Variants in PRORP observed in about 807,000 individuals in gnomAD.
PRORP encodes mitochondrial ribonuclease P catalytic subunit.
PRORP carries 51 observed loss-of-function variants against 59.4 expected under a neutral mutation model. The ratio of observed to expected loss-of-function variants is 0.86; its 90% CI spans 0.69 to 1.08. The LOEUF (loss-of-function observed/expected upper bound fraction) is 1.08, where lower values mean the gene tolerates loss of function less well. Among genes scored for constraint, PRORP ranks in the 50% least tolerant of loss-of-function variants. PRORP has a pLI of 0.00. For synonymous variants in PRORP, 231 were observed against 245.6 expected (o/e 0.94, Z 0.55); for missense variants, 646 against 690.3 (o/e 0.94, Z 0.72).
intron 4 of PRORP, among the ~76,000 whole-genome samples, chr14:35,177,785 A>C (rs1276970116): frequency 6.6e-6 from 1 of 152,018 alleles, no homozygotes; most frequent in Non-Finnish European, 1.5e-5. Context: ...GCCTTCTGCT[A>C]GCTTTTGAAT....
At chr14:35,193,077 C>G (rs1004696705) in intron 5 of PRORP, among the ~76,000 whole-genome samples, 8 of 151,810 alleles carry the variant, frequency 5.3e-5, no homozygotes, top group Non-Finnish European at 1.0e-4. Flanking sequence ...ACCCATAATT[C>G]AGTCCTAATG....
intron 4 of PRORP, among the ~76,000 whole-genome samples, chr14:35,169,706 G>A (rs2048268890): frequency 6.6e-6 from 1 of 152,118 alleles, no homozygotes. Flanking sequence ...AACACCTGGG[G>A]ATTACAATTC....
intron 2 of PRORP, among the ~76,000 whole-genome samples, chr14:35,126,411 A>G (rs1325322554): frequency 6.6e-6 from 1 of 152,196 alleles, no homozygotes; most frequent in Admixed American, 6.5e-5. Flanking sequence ...CGGCAGGAGC[A>G]ATTTCTGGCA....
intron 4 of PRORP, among the ~76,000 whole-genome samples, chr14:35,156,039 G>C (rs2047905643): frequency 6.6e-6 from 1 of 152,154 alleles, no homozygotes; most frequent in South Asian, 2.1e-4. Context: ...AAAAAATCCT[G>C]TACAAGTTAA....
At chr14:35,259,270 G>C (rs1021751780) in intron 5 of PRORP, among the ~76,000 whole-genome samples, 39 of 152,154 alleles carry the variant, frequency 2.6e-4, no homozygotes, top group Middle Eastern at 3.4e-3. Context: ...AGCCACTCCA[G>C]CTTTCCTTTC....
intron 4 of PRORP, among the ~76,000 whole-genome samples, chr14:35,146,225 T>G (rs1041452245): frequency 1.3e-5 from 2 of 152,198 alleles, no homozygotes; most frequent in African/African-American, 4.8e-5. Context: ...TGATTTAGGA[T>G]TCTCCTTTCT....
At chr14:35,262,713 C>G (rs2050937198) in intron 5 of PRORP, 9 of 842,454 alleles carry the variant, frequency 1.1e-5, no homozygotes, top group Non-Finnish European at 1.9e-5. Flanking sequence ...GGGTGTTACA[C>G]TGGGCTTCCA....
chr14:35,125,216 A>G (rs1029472698), intron 2 of PRORP, among the ~76,000 whole-genome samples: 2 of 151,970 alleles, frequency 1.3e-5, no homozygotes, highest in Non-Finnish European at 2.9e-5. Context: ...GGACAGGGGG[A>G]TATTGATCAA....
chr14:35,154,021 T>C (rs556588416), intron 4 of PRORP, among the ~76,000 whole-genome samples: 8 of 152,298 alleles, frequency 5.3e-5, no homozygotes, highest in African/African-American at 1.9e-4. Context: ...CTTCAGCACT[T>C]TCGTTCTTTT....
chr14:35,126,170 G>A (rs1323823813), intron 2 of PRORP, among the ~76,000 whole-genome samples: 1 of 152,176 alleles, frequency 6.6e-6, no homozygotes, highest in Non-Finnish European at 1.5e-5. Flanking sequence ...ATTAAGAACT[G>A]AGGAAGGAGA....
At chr14:35,155,597 A>C (rs954543094) in intron 4 of PRORP, among the ~76,000 whole-genome samples, 1 of 150,624 alleles carries the variant, frequency 6.6e-6, no homozygotes, top group Non-Finnish European at 1.5e-5. Context: ...ACAAATACAC[A>C]TATGCTTTCA....
At chr14:35,203,337 G>T (rs1450898897) in intron 5 of PRORP, among the ~76,000 whole-genome samples, 1 of 152,104 alleles carries the variant, frequency 6.6e-6, no homozygotes, top group Non-Finnish European at 1.5e-5. Flanking sequence ...AGGCCAGCCT[G>T]GGCAACATGG....
chr14:35,132,039 A>C (rs2047254925), intron 4 of PRORP, among the ~76,000 whole-genome samples: 2 of 151,710 alleles, frequency 1.3e-5, no homozygotes, highest in South Asian at 4.2e-4. Context: ...GGGTTTCACC[A>C]TGTTGGCCAG....
chr14:35,162,648 A>G (rs866409148), intron 4 of PRORP, among the ~76,000 whole-genome samples: 20 of 151,800 alleles, frequency 1.3e-4, no homozygotes, highest in African/African-American at 4.8e-4. Context: ...AAAATATTCG[A>G]ATTTGTCAGA....
intron 5 of PRORP, among the ~76,000 whole-genome samples, chr14:35,246,086 C>G (rs903260999): frequency 2.0e-5 from 3 of 152,128 alleles, no homozygotes; most frequent in African/African-American, 4.8e-5. Flanking sequence ...GGCTCCTTAT[C>G]TTTTGTATAT....
rs146100026 is a variant in PRORP at position 35,142,801 on chromosome 14, C to G, written c.1167+15190C>G. Among the ~76,000 whole-genome samples, 19 of 144,260 alleles carry G rather than the reference C, an allele frequency of 1.3e-4. 1 individual carries two copies. The highest frequency in any genetic ancestry group is 4.4e-4 in the African/African-American group (18 of 40,946). 94.6% of individuals were successfully genotyped at this position (144,260 alleles called of 152,430 possible). On this transcript the variant is annotated intron_variant, in intron 4 of 7. Transcript: ENST00000534898. ...GAGGTTGCAGTGAGCTGAGATCGCG[C>G]CACTGCATTCCAGCAGCCTAGGTGA...
chr14:35,152,366 A>C (rs192766323), intron 4 of PRORP, among the ~76,000 whole-genome samples: 1 of 152,176 alleles, frequency 6.6e-6, no homozygotes, highest in Non-Finnish European at 1.5e-5. Flanking sequence ...TGATTTCTCT[A>C]TCTTTTCCCC....
chr14:35,230,884 C>G (rs2050059699), intron 5 of PRORP, among the ~76,000 whole-genome samples: 1 of 151,208 alleles, frequency 6.6e-6, no homozygotes, highest in Non-Finnish European at 1.5e-5. Context: ...GCCTAAGATA[C>G]TACTGAGAAA....
Position 35,123,067 on chromosome 14 carries a change from TCTTG to T in PRORP, c.-175_-172del. On this transcript the variant is annotated 5_prime_UTR_variant, in exon 2 of 8. An upstream open reading frame in the 5' UTR loses its in-frame stop. Coordinates refer to ENST00000534898, the MANE Select transcript of PRORP (RefSeq NM_014672.4). ...TTTAATAGAGAAAACTCACCTGCCT[TCTTG>T]CTTTTAAGTAGCCCCAAAAGCAGAA... 1.5e-6 allele frequency: 1 copy of T among 654,638 alleles called. No homozygotes were observed. Among genetic ancestry groups the T allele is most frequent in the Non-Finnish European group, 2.6e-6 (1 of 391,626 alleles). The allele number at this position is 654,638 out of a possible 1,614,324, so 40.6% of individuals were successfully genotyped here.
Sources: gnomAD v4.1 joint callset for allele counts (sites outside exome capture counted in the v4.1 genomes callset) on GRCh38, gnomAD v4.1.1 for gene constraint, MANE v1.5 for transcripts, NCBI Gene and HGNC (gene_info 2026-07-23, HGNC 2026-07-21) for gene names.